The following BCORL1 variants were observed in gnomAD, a reference collection of about 807,000 sequenced individuals.
BCORL1 encodes BCL-6 corepressor-like protein 1.
BCORL1 carries 7 observed loss-of-function variants against 87.6 expected under a neutral mutation model. That is an observed-to-expected ratio of 0.08 (90% confidence interval 0.05 to 0.15). The LOEUF (loss-of-function observed/expected upper bound fraction) is 0.15, where lower values mean the gene tolerates loss of function less well. Among genes scored for constraint, BCORL1 ranks in the 10% least tolerant of loss-of-function variants. The pLI is 1.00. For missense variants in BCORL1, 1,215 were observed against 1,499.7 expected (o/e 0.81, Z 3.13); for synonymous variants, 591 against 634.4 (o/e 0.93, Z 1.03).
chrX:130,028,310 T>C (rs1930366725), intron 7 of BCORL1, among the ~76,000 whole-genome samples: 1 of 111,320 alleles, frequency 9.0e-6, no homozygotes, highest in African/African-American at 3.3e-5. Flanking sequence ...CAAAAAGAAA[T>C]TCTGATTTGC....
At chrX:130,051,432 C>A (rs1411593727) in intron 12 of BCORL1, among the ~76,000 whole-genome samples, 1 of 112,939 alleles carries the variant, frequency 8.9e-6, no homozygotes, top group Non-Finnish European at 1.9e-5. Flanking sequence ...GGGAAAGGAA[C>A]CCGCTCAGCC....
At chrX:130,042,513 C>T (rs376656992) in intron 11 of BCORL1, among the ~76,000 whole-genome samples, 1 of 112,079 alleles carries the variant, frequency 8.9e-6, no homozygotes, top group Non-Finnish European at 1.9e-5. Flanking sequence ...AGCCTGGGAC[C>T]TTGGCCTACC....
chrX:130,035,850 G>A, intron 9 of BCORL1, among the ~76,000 whole-genome samples: 1 of 112,783 alleles, frequency 8.9e-6, no homozygotes, highest in Middle Eastern at 4.6e-3. Context: ...TTTGGGCCTG[G>A]GGGAAGAGGC....
At position 130,012,562 on chromosome X, in the gene BCORL1, G is replaced by A. The variant is rs1309930138; in HGVS notation, c.87-16G>A. 3 of 1,193,276 alleles carry A rather than the reference G, an allele frequency of 2.5e-6. No homozygotes were observed. In the Admixed American group the frequency reaches 6.6e-5, roughly 26 times the overall value. ...TGGGCCTCATGTCCCTTCTCTGGTT[G>A]TATCTTCCATGCTAGAAGAGCACCT... On this transcript the variant is annotated splice_polypyrimidine_tract_variant and intron_variant, in intron 2 of 13. Transcript: ENST00000540052.
Position 130,052,640 on chromosome X carries a change from G to A in BCORL1, c.5075+624G>A, listed in dbSNP as rs1003095130. Among the ~76,000 whole-genome samples the A allele has an allele frequency of 2.7e-5, 3 of 112,332 alleles. No homozygotes were observed. In the Admixed American group the frequency reaches 2.8e-4, roughly 11 times the overall value. ...CTGGAGGGAGTTCGACAGCCGGCAG[G>A]GCCATGGCCCTTGTTGGGTTTCCCC... On this transcript the variant is annotated intron_variant, in intron 13 of 13. Coordinates refer to ENST00000540052, the MANE Select transcript of BCORL1 (RefSeq NM_001379451.1).
chrX:130,034,500 C>G lies in BCORL1; in HGVS notation c.4351C>G (p.Pro1451Ala), dbSNP rs1425686915. 2 of 981,177 alleles carry G rather than the reference C, an allele frequency of 2.0e-6. No individual in the cohort carries two copies. The highest frequency in any genetic ancestry group is 2.6e-6 in the Non-Finnish European group (2 of 755,839). 80.9% of individuals were successfully genotyped at this position (981,177 alleles called of 1,213,427 possible). ...GCAGAAGACACGATCTCCCAAATCT[C>G]CCACCCCAGTGAAACCCACAGAACC... The part of the protein sequence containing the change: ...SQQKTRSPKS[P>A]TPVKPTEPCT... The change falls in exon 9 of 14, where the codon CCC becomes GCC. Residue 1451 changes from proline (P) to alanine (A), a missense_variant. Pro to Ala is a conservative substitution (Grantham distance 27). Transcript: ENST00000540052.
chrX:129,995,753 T>C (rs780169234), intron 1 of BCORL1, among the ~76,000 whole-genome samples: 17 of 111,747 alleles, frequency 1.5e-4, no homozygotes, highest in Non-Finnish European at 2.3e-4. Context: ...ACGGTTTAAA[T>C]TGGGGTAACT....
At chrX:130,007,723 G>A (rs780799444) in intron 2 of BCORL1, among the ~76,000 whole-genome samples, 17 of 112,316 alleles carry the variant, frequency 1.5e-4, no homozygotes, top group African/African-American at 5.2e-4. Flanking sequence ...AGTTGAACCC[G>A]AGAGGTGGAG....
Position 130,034,609 on chromosome X carries a change from G to A in BCORL1, c.4460G>A (p.Arg1487His), listed in dbSNP as rs1930826086. Residue 1487 changes from arginine (R) to histidine (H), a missense_variant, in exon 9 of 14, where the codon CGT becomes CAT. Physicochemically the swap from Arg to His is conservative, Grantham distance 29. Transcript: ENST00000540052. ...GCCCGGCAGATCCCCCCAGAGGCAC[G>A]TCGGCTCATAGTGAACAAAAATGCT... ...PTARQIPPEA[R>H]RLIVNKNAGE... The A allele has an allele frequency of 9.2e-6, 9 of 983,155 alleles. No homozygotes were observed. The highest frequency in any genetic ancestry group is 1.2e-5 in the Non-Finnish European group (9 of 756,175). 81.0% of individuals were successfully genotyped at this position (983,155 alleles called of 1,213,427 possible).
Position 130,021,039 on chromosome X carries a change from G to T in BCORL1, c.3496G>T (p.Ala1166Ser). 1 of 1,189,908 alleles carries T rather than the reference G, an allele frequency of 8.4e-7. No homozygotes were observed. Among genetic ancestry groups the T allele is most frequent in the Non-Finnish European group, 1.1e-6 (1 of 887,178 alleles). Residue 1166 changes from alanine (A) to serine (S), a missense_variant, in exon 5 of 14, where the codon GCT becomes TCT. By Grantham distance (99) the Ala-to-Ser change is moderately conservative. Transcript: ENST00000540052. ...QESTKKSPRGASDSGKEHNGV... is the reference protein window; with the variant it reads ...QESTKKSPRGSSDSGKEHNGV... ...ATCCACCAAGAAAAGCCCCAGGGGG[G>T]CTTCAGATTCAGGAAAAGAGCACAA... is the stretch of plus-strand genomic sequence containing the variant.
chrX:129,983,553 G>A (rs1352457881), intron 1 of BCORL1, among the ~76,000 whole-genome samples: 2 of 107,801 alleles, frequency 1.9e-5, no homozygotes, highest in African/African-American at 6.8e-5. Flanking sequence ...TGCGGGAATC[G>A]TAGGGTAAGG....
Position 130,056,584 on chromosome X carries a change from T to A in BCORL1, c.*448T>A, listed in dbSNP as rs1481693774. 8.4e-6 allele frequency: 1 copy of A among 119,487 alleles called. No individual in the cohort carries two copies. Among genetic ancestry groups the A allele is most frequent in the African/African-American group, 3.2e-5 (1 of 31,315 alleles). The allele number at this position is 119,487 out of a possible 1,213,427, so 9.8% of individuals were successfully genotyped here. On this transcript the variant is annotated 3_prime_UTR_variant, in exon 14 of 14. Transcript: ENST00000540052. ...TCTGTCTTCTGTAGTATTTATTTTA[T>A]TAGTATTTAATTTGTATTGTTTCAT...
At chrX:129,989,943 G>A (rs1030884314) in intron 1 of BCORL1, among the ~76,000 whole-genome samples, 6 of 109,505 alleles carry the variant, frequency 5.5e-5, no homozygotes, top group South Asian at 7.8e-4. Context: ...CCAGCACCAC[G>A]TCCAGCTAAT....
intron 7 of BCORL1, among the ~76,000 whole-genome samples, 155 bp from the exon 8 acceptor site, chrX:130,028,480 A>G (rs1930375495): frequency 9.1e-6 from 1 of 110,393 alleles, no homozygotes; most frequent in Admixed American, 9.8e-5. Flanking sequence ...TTAGTGGAAT[A>G]GTCAGCACAG....
In BCORL1 at chrX:130,028,723, C is replaced by T. The variant is rs780143502; in HGVS notation, c.4167C>T (p.Val1389=). The T allele has an allele frequency of 4.1e-5, 50 of 1,208,193 alleles. No homozygotes were observed. Among genetic ancestry groups the T allele is most frequent in the Non-Finnish European group, 5.3e-5 (47 of 894,715 alleles). The change falls in exon 8 of 14, where the codon GTC becomes GTT. Residue 1389 remains valine, a synonymous_variant. Transcript: ENST00000540052. ...GGAACCTTCTCTTGCCCAACAAAGTCCAGGGGATCTCGGATTCACCAAACG... is the reference window on the plus strand; with the variant it reads ...GGAACCTTCTCTTGCCCAACAAAGTTCAGGGGATCTCGGATTCACCAAACG... ...RNRNLLLPNK[V]QGISDSPNGF... is the part of the protein sequence containing the mutation.
At chrX:130,035,918 G>A (rs1165980516) in intron 9 of BCORL1, among the ~76,000 whole-genome samples, 1 of 112,474 alleles carries the variant, frequency 8.9e-6, no homozygotes, top group Non-Finnish European at 1.9e-5. Flanking sequence ...GGGTAAAGGA[G>A]CTTGACAGTT....
At chrX:130,049,264 A>C (rs1260831679) in intron 11 of BCORL1, among the ~76,000 whole-genome samples, 1 of 112,232 alleles carries the variant, frequency 8.9e-6, no homozygotes, top group African/African-American at 3.2e-5. Context: ...TTCCATCACA[A>C]ATTTCATCAG....
At chrX:130,055,191 G>C (rs1482866241) in intron 13 of BCORL1, among the ~76,000 whole-genome samples, 1 of 112,651 alleles carries the variant, frequency 8.9e-6, no homozygotes, top group East Asian at 2.8e-4. Flanking sequence ...GCTGTCCCCA[G>C]GCTGCCACCC....
At chrX:129,983,216 AAG>A (rs1926267804) in intron 1 of BCORL1, among the ~76,000 whole-genome samples, 1 of 108,747 alleles carries the variant, frequency 9.2e-6, no homozygotes, top group African/African-American at 3.4e-5. Context: ...GCCACGATCC[AAG>A]AGAGTCTTCT....
Sources: allele counts gnomAD v4.1 joint callset (sites outside exome capture counted in the v4.1 genomes callset), GRCh38; gene constraint gnomAD v4.1.1; transcripts MANE v1.5; gene names NCBI Gene and HGNC (gene_info 2026-07-23, HGNC 2026-07-21).